SLC41A2: variants seen among roughly 807,000 people sequenced by gnomAD.
The protein encoded by SLC41A2 is SLC41A1-like 1.
A neutral mutation model predicts 58.3 loss-of-function variants in SLC41A2; 32 were observed. That is an observed-to-expected ratio of 0.55 (90% CI 0.41 to 0.74). The LOEUF is 0.74. Among genes scored for constraint, SLC41A2 ranks in the 30% least tolerant of loss-of-function variants. The pLI is 0.00. For missense variants in SLC41A2, 514 were observed against 680.6 expected (o/e 0.76, Z 2.72); for synonymous variants, 190 against 235.0 (o/e 0.81, Z 1.75).
In SLC41A2 at chr12:104,821,390, A is replaced by G. The variant is rs1469937790; in HGVS notation, c.1537-16053T>C. Among the ~76,000 whole-genome samples, 6 of 152,212 alleles carry G rather than the reference A, an allele frequency of 3.9e-5. No individual in the cohort carries two copies. In the East Asian group the frequency reaches 1.2e-3, roughly 29 times the overall value. Reference sequence around the variant, plus strand: ...ATACGTTCCAGGAGACCTACATGATAACATTCATAACCTTGATTTTTAATA... The same window carrying G: ...ATACGTTCCAGGAGACCTACATGATGACATTCATAACCTTGATTTTTAATA... On this transcript the variant is annotated intron_variant, in intron 10 of 10. Coordinates refer to ENST00000258538, the MANE Select transcript of SLC41A2 (RefSeq NM_001352171.3).
rs2136168912 is a variant in SLC41A2, at chr12:104,802,784, T to C, written c.*2368A>G. The C allele has an allele frequency of 6.6e-6, 1 of 152,296 alleles. No homozygotes were observed. Among genetic ancestry groups the C allele is most frequent in the East Asian group, 1.9e-4 (1 of 5,188 alleles). The allele number at this position is 152,296 out of a possible 1,614,324, so 9.4% of individuals were successfully genotyped here. On this transcript the variant is annotated 3_prime_UTR_variant, in exon 11 of 11. Coordinates refer to ENST00000258538, the MANE Select transcript of SLC41A2 (RefSeq NM_001352171.3). ...GTCTGAAATCCATAAAATGTAGTAA[T>C]ACTCTATTGTACTTTTAAAAATCCT...
intron 3 of SLC41A2, among the ~76,000 whole-genome samples, chr12:104,907,437 C>T (rs2135768601): frequency 6.6e-6 from 1 of 152,272 alleles, no homozygotes; most frequent in South Asian, 2.1e-4. Context: ...TACCCCCAAA[C>T]ATCATCTATA....
chr12:104,886,228 C>T, intron 6 of SLC41A2, 65 bp downstream of exon 6: 3 of 1,542,482 alleles, frequency 1.9e-6, no homozygotes, highest in Non-Finnish European at 2.7e-6. Context: ...CATGGCATTG[C>T]TGCAACAATA....
chr12:104,807,507 C>T (rs144042028), intron 10 of SLC41A2, among the ~76,000 whole-genome samples: 2,813 of 152,182 alleles, frequency 0.018, 30 homozygotes, highest in African/African-American at 0.034. Context: ...GTGATGCCTC[C>T]AGCTTTGTTC....
At chr12:104,863,047 A>G (rs1318999155) in intron 7 of SLC41A2, among the ~76,000 whole-genome samples, 1 of 152,216 alleles carries the variant, frequency 6.6e-6, no homozygotes, top group Non-Finnish European at 1.5e-5. Context: ...CAGCTTTTTT[A>G]CTATATACAT....
chr12:104,883,983 G>A (rs1020670393), intron 6 of SLC41A2, among the ~76,000 whole-genome samples: 3 of 152,234 alleles, frequency 2.0e-5, no homozygotes, highest in African/African-American at 7.2e-5. Flanking sequence ...TCATTGAGCT[G>A]TGGTGGGCTC....
chr12:104,893,904 CA>C (rs1206997483), intron 4 of SLC41A2, among the ~76,000 whole-genome samples: 3 of 151,584 alleles, frequency 2.0e-5, no homozygotes, highest in Non-Finnish European at 4.4e-5. Flanking sequence ...TTAATGAGTA[CA>C]AAAAAATAGA....
intron 3 of SLC41A2, among the ~76,000 whole-genome samples, chr12:104,905,717 C>T (rs886931853): frequency 2.0e-5 from 3 of 152,222 alleles, no homozygotes; most frequent in African/African-American, 7.2e-5. Context: ...GCCAGCATTG[C>T]TGGGGGACTC....
intron 2 of SLC41A2, among the ~76,000 whole-genome samples, chr12:104,920,466 T>C (rs1208211544): frequency 6.6e-6 from 1 of 151,630 alleles, no homozygotes; most frequent in Non-Finnish European, 1.5e-5. Context: ...AACTGAGAAA[T>C]ACATTTGCTG....
chr12:104,878,655 T>C (rs2044189278), intron 6 of SLC41A2, among the ~76,000 whole-genome samples: 1 of 152,226 alleles, frequency 6.6e-6, no homozygotes, highest in Non-Finnish European at 1.5e-5. Flanking sequence ...TGCTTTTTTA[T>C]GGCTGCATAG....
intron 2 of SLC41A2, among the ~76,000 whole-genome samples, chr12:104,925,310 G>A (rs1291138377): frequency 3.9e-5 from 6 of 152,188 alleles, no homozygotes; most frequent in African/African-American, 1.4e-4. Flanking sequence ...TATAATCCCA[G>A]CACTTTGGGA....
intron 3 of SLC41A2, among the ~76,000 whole-genome samples, chr12:104,904,459 C>T (rs2045714624): frequency 6.6e-6 from 1 of 152,158 alleles, no homozygotes; most frequent in South Asian, 2.1e-4. Flanking sequence ...GTTCTTATAA[C>T]ATAATACAAG....
intron 5 of SLC41A2, 127 bp from the exon 6 acceptor site, chr12:104,886,566 T>C: frequency 1.1e-6 from 1 of 930,978 alleles, no homozygotes; most frequent in Non-Finnish European, 1.6e-6. Flanking sequence ...ATAAGCTGAC[T>C]AAAGCAAACA....
rs753206988 is a variant in SLC41A2, at chr12:104,909,748, G to C, written c.570C>G (p.Phe190Leu). The C allele has an allele frequency of 6.2e-7, 1 of 1,605,542 alleles. No homozygotes were observed. Among genetic ancestry groups the C allele is most frequent in the Admixed American group, 1.7e-5 (1 of 57,960 alleles). The part of the protein sequence containing the change: ...VLDIVQHWEV[F>L]RKVTEVFILV... ...AAATGAAAACTTCTGTAACTTTTCTGAACACCTCCCAGTGCTGTAAGAAAA... is the reference window on the plus strand; with the variant it reads ...AAATGAAAACTTCTGTAACTTTTCTCAACACCTCCCAGTGCTGTAAGAAAA... Residue 190 changes from phenylalanine to leucine, a missense_variant, in exon 3 of 11, where the codon TTC becomes TTG. This residue lies in a region of SLC41A2 where 336 missense variants were observed against 430.0 expected (regional missense o/e 0.78). Transcript: ENST00000258538.
At chr12:104,897,148 T>TC (rs1387242365) in intron 3 of SLC41A2, among the ~76,000 whole-genome samples, 2,658 of 145,946 alleles carry the variant, frequency 0.018, 33 homozygotes, top group Middle Eastern at 0.049. Flanking sequence ...TTTTTTCTTT[T>TC]TTTTTTTTTT....
intron 10 of SLC41A2, among the ~76,000 whole-genome samples, chr12:104,810,420 AT>A (rs1465572584): frequency 6.6e-6 from 1 of 152,158 alleles, no homozygotes; most frequent in Non-Finnish European, 1.5e-5. Context: ...ATAATATTAC[AT>A]GTTTACATAT....
intron 1 of SLC41A2, among the ~76,000 whole-genome samples, chr12:104,950,346 T>C (rs1243521856): frequency 6.6e-6 from 1 of 152,162 alleles, no homozygotes; most frequent in Non-Finnish European, 1.5e-5. Context: ...TGAGATCTGA[T>C]GGTTTTATAA....
In SLC41A2 at chr12:104,802,173, T is replaced by C. The variant is rs1223984099; in HGVS notation, c.*2979A>G. On this transcript the variant is annotated 3_prime_UTR_variant, in exon 11 of 11. Coordinates refer to ENST00000258538, the MANE Select transcript of SLC41A2 (RefSeq NM_001352171.3). The stretch of plus-strand genomic sequence containing the variant: ...TTTTATCAGGTTCTAAGAAACTTTA[T>C]TTTTGAAAGAAAAAAATGGACAAGA... Among the ~76,000 whole-genome samples, 1 of 152,152 alleles carries C rather than the reference T, an allele frequency of 6.6e-6. No homozygotes were observed. The highest frequency in any genetic ancestry group is 1.5e-5 in the Non-Finnish European group (1 of 68,016).
Position 104,956,535 on chromosome 12 carries a change from C to T in SLC41A2, c.-168+1553G>A, listed in dbSNP as rs371118546. Among the ~76,000 whole-genome samples, 230 of 152,098 alleles carry T rather than the reference C, an allele frequency of 1.5e-3. 1 individual carries two copies. Among genetic ancestry groups the T allele is most frequent in the African/African-American group, 5.1e-3 (210 of 41,502 alleles). On this transcript the variant is annotated intron_variant, in intron 1 of 10. Transcript: ENST00000258538. The stretch of plus-strand genomic sequence containing the variant: ...CTCTACTAAAAATACAAAAATTAGC[C>T]GGGCATAGTGGTGTGTGCCTGTAGT...
Sources: gnomAD v4.1 joint callset for allele counts (sites outside exome capture counted in the v4.1 genomes callset) on GRCh38, gnomAD v4.1.1 for gene constraint, gnomAD v4.1.1 regional missense constraint, MANE v1.5 for transcripts, NCBI Gene and HGNC (gene_info 2026-07-23, HGNC 2026-07-21) for gene names.